Variants in PPP1CB observed in about 807,000 individuals in gnomAD.
PPP1CB encodes the protein serine/threonine-protein phosphatase PP1-beta catalytic subunit.
Under a neutral mutation model 43.7 loss-of-function variants are expected in PPP1CB, and 2 were observed. That is an observed-to-expected ratio of 0.05 (90% CI 0.02 to 0.14). The LOEUF (loss-of-function observed/expected upper bound fraction) is 0.14, where lower values mean the gene tolerates loss of function less well. Among genes scored for constraint, PPP1CB ranks in the 10% least tolerant of loss-of-function variants. The pLI is 1.00. For missense variants in PPP1CB, 84 were observed against 398.0 expected (o/e 0.21, Z 6.71); for synonymous variants, 136 against 135.6 (o/e 1.00, Z -0.02).
At position 28,801,159 on chromosome 2, in the gene PPP1CB, G is replaced by A. The variant is rs1039046430; in HGVS notation, c.*1856G>A. ...TCTTTTCTGAAAGTATTCATGATCT[G>A]CATATGATGTATTAGGTTAGGTCAC... On this transcript the variant is annotated 3_prime_UTR_variant, in exon 8 of 8. Coordinates refer to ENST00000395366, the MANE Select transcript of PPP1CB (RefSeq NM_002709.3). The A allele has an allele frequency of 1.3e-5, 2 of 151,982 alleles. No individual in the cohort carries two copies. Among genetic ancestry groups the A allele is most frequent in the African/African-American group, 4.8e-5 (2 of 41,368 alleles). The allele number at this position is 151,982 out of a possible 1,614,324, so 9.4% of individuals were successfully genotyped here.
rs1209340290 is a variant in PPP1CB, at chr2:28,751,864, C to G, written c.-261C>G. 3 of 548,352 alleles carry G rather than the reference C, an allele frequency of 5.5e-6. No individual in the cohort carries two copies. Among genetic ancestry groups the G allele is most frequent in the Non-Finnish European group, 9.9e-6 (3 of 302,808 alleles). The allele number at this position is 548,352 out of a possible 1,614,324, so 34.0% of individuals were successfully genotyped here. On this transcript the variant is annotated 5_prime_UTR_variant, in exon 1 of 8. Coordinates refer to ENST00000395366, the MANE Select transcript of PPP1CB (RefSeq NM_002709.3). ...GGCGGTGCCGAGGAGGAGGAGGTGG[C>G]GGCCTGGGTCTGACGCGGCCCTGTT...
Position 28,800,273 on chromosome 2 carries a change from C to T in PPP1CB, c.*970C>T, listed in dbSNP as rs1178458913. 1 of 111,902 alleles carries T rather than the reference C, an allele frequency of 8.9e-6. No homozygotes were observed. Among genetic ancestry groups the T allele is most frequent in the Non-Finnish European group, 1.7e-5 (1 of 57,864 alleles). 6.9% of individuals were successfully genotyped at this position (111,902 alleles called of 1,614,324 possible). A position where few individuals can be genotyped will look rare whatever the true frequency, so the allele number is the denominator to read the frequency against. Reference sequence around the variant, plus strand: ...TTGAGTTGTTGTTTGTTTTTAGATCCACAGTACATGAGAATCCTTTTTTGA... The same window carrying T: ...TTGAGTTGTTGTTTGTTTTTAGATCTACAGTACATGAGAATCCTTTTTTGA... On this transcript the variant is annotated 3_prime_UTR_variant, in exon 8 of 8. Coordinates refer to ENST00000395366, the MANE Select transcript of PPP1CB (RefSeq NM_002709.3).
intron 5 of PPP1CB, among the ~76,000 whole-genome samples, chr2:28,788,424 G>A (rs943311853): frequency 1.1e-4 from 16 of 152,136 alleles, no homozygotes; most frequent in South Asian, 6.2e-4. Flanking sequence ...TCCTATATGT[G>A]GAAAGGGTTG....
chr2:28,763,702 CGTT>C (rs1666713278), intron 1 of PPP1CB, among the ~76,000 whole-genome samples: 1 of 151,606 alleles, frequency 6.6e-6, no homozygotes, highest in Non-Finnish European at 1.5e-5. Flanking sequence ...TCTGAATCCA[CGTT>C]AGTTATTCTT....
At chr2:28,784,930 A>AG (rs1389742321) in intron 5 of PPP1CB, among the ~76,000 whole-genome samples, 5 of 119,212 alleles carry the variant, frequency 4.2e-5, no homozygotes, top group Non-Finnish European at 5.5e-5. Context: ...AAAAAAAAAA[A>AG]AAAAGAAAAA....
intron 1 of PPP1CB, among the ~76,000 whole-genome samples, chr2:28,758,875 A>G (rs1160708587): frequency 6.6e-6 from 1 of 152,258 alleles, no homozygotes; most frequent in Non-Finnish European, 1.5e-5. Flanking sequence ...TTTTTGATGC[A>G]TGCCCACCCT....
chr2:28,776,337 A>C (rs1667043129), intron 1 of PPP1CB, among the ~76,000 whole-genome samples: 1 of 151,706 alleles, frequency 6.6e-6, no homozygotes, highest in South Asian at 2.1e-4. Flanking sequence ...ATCTCAGCTC[A>C]CTGCAACCTC....
chr2:28,757,700 G>A (rs1035006648), intron 1 of PPP1CB, among the ~76,000 whole-genome samples: 14 of 152,222 alleles, frequency 9.2e-5, no homozygotes, highest in African/African-American at 3.4e-4. Flanking sequence ...ACATAAGGTC[G>A]TGGCATATTT....
intron 1 of PPP1CB, among the ~76,000 whole-genome samples, chr2:28,759,800 G>A (rs13423959): frequency 4.0e-5 from 6 of 151,872 alleles, no homozygotes; most frequent in Admixed American, 1.3e-4. Context: ...TGTATTTTTA[G>A]TAGAGACGGG....
intron 2 of PPP1CB, among the ~76,000 whole-genome samples, chr2:28,777,499 C>T (rs1342382391): frequency 6.6e-6 from 1 of 152,172 alleles, no homozygotes; most frequent in Non-Finnish European, 1.5e-5. Flanking sequence ...TATCTGTGGT[C>T]TTCTAACTTT....
chr2:28,793,592 G>A (rs1263669392), intron 6 of PPP1CB, among the ~76,000 whole-genome samples: 2 of 152,164 alleles, frequency 1.3e-5, no homozygotes, highest in African/African-American at 4.8e-5. Flanking sequence ...TTTGTTTCAT[G>A]GGGAGCCTTG....
At position 28,752,070 on chromosome 2, in the gene PPP1CB, C is replaced by G; in HGVS notation, c.-55C>G. On this transcript the variant is annotated 5_prime_UTR_variant, in exon 1 of 8. Transcript: ENST00000395366. ...AACGCCGAGCCGTCGCCGCAGCCTCCGCCGCCGAGAAGCCCTTGTTCCCGC... is the reference window on the plus strand; with the variant it reads ...AACGCCGAGCCGTCGCCGCAGCCTCGGCCGCCGAGAAGCCCTTGTTCCCGC... 6.5e-7 allele frequency: 1 copy of G among 1,527,974 alleles called. No homozygotes were observed. Among genetic ancestry groups the G allele is most frequent in the Non-Finnish European group, 8.9e-7 (1 of 1,126,372 alleles). The allele number at this position is 1,527,974 out of a possible 1,614,324, so 94.7% of individuals were successfully genotyped here. A position where few individuals can be genotyped will look rare whatever the true frequency, so the allele number is the denominator to read the frequency against.
intron 5 of PPP1CB, among the ~76,000 whole-genome samples, chr2:28,784,886 C>T (rs1667227091): frequency 7.1e-6 from 1 of 140,410 alleles, no homozygotes; most frequent in Non-Finnish European, 1.5e-5. Flanking sequence ...CACCACTGCA[C>T]TCCAGCCTGG....
At chr2:28,797,373 T>C (rs1667518483) in intron 7 of PPP1CB, among the ~76,000 whole-genome samples, 1 of 152,138 alleles carries the variant, frequency 6.6e-6, no homozygotes, top group African/African-American at 2.4e-5. Flanking sequence ...CTGATATAAT[T>C]CAGCTGTGAA....
At chr2:28,765,638 TG>T (rs149881468) in intron 1 of PPP1CB, among the ~76,000 whole-genome samples, 104 of 152,356 alleles carry the variant, frequency 6.8e-4, no homozygotes, top group African/African-American at 2.4e-3. Flanking sequence ...GTTTGCTGAC[TG>T]GGTATGGTGG....
rs544868619 is a variant in PPP1CB, at chr2:28,773,231, G to T, written c.53-3620G>T. 5.3e-5 allele frequency among the ~76,000 whole-genome samples: 8 copies of T among 152,294 alleles called. No homozygotes were observed. In the South Asian group the frequency reaches 1.5e-3, roughly 28 times the overall value. Reference sequence around the variant, plus strand: ...TTTCTAAACAGTAGTAAGTATGGTAGATATTTGCTATCATGGGATTTTATC... The same window carrying T: ...TTTCTAAACAGTAGTAAGTATGGTATATATTTGCTATCATGGGATTTTATC... On this transcript the variant is annotated intron_variant, in intron 1 of 7. Coordinates refer to ENST00000395366, the MANE Select transcript of PPP1CB (RefSeq NM_002709.3).
intron 1 of PPP1CB, among the ~76,000 whole-genome samples, chr2:28,774,989 A>G (rs560737636): frequency 2.8e-4 from 42 of 151,616 alleles, no homozygotes; most frequent in African/African-American, 7.0e-4. Flanking sequence ...CCTCCTTTTT[A>G]CTTTTATATT....
intron 1 of PPP1CB, among the ~76,000 whole-genome samples, chr2:28,772,286 G>A (rs181174869): frequency 8.1e-4 from 124 of 152,230 alleles, no homozygotes; most frequent in South Asian, 2.7e-3. Flanking sequence ...GGGTGACGGA[G>A]CGAGACTCCA....
intron 1 of PPP1CB, among the ~76,000 whole-genome samples, chr2:28,767,550 G>A (rs938464295): frequency 6.6e-5 from 10 of 152,162 alleles, no homozygotes; most frequent in African/African-American, 2.4e-4. Context: ...TGACACCCAT[G>A]ACGCTGCCAG....
Sources: allele counts gnomAD v4.1 joint callset (sites outside exome capture counted in the v4.1 genomes callset), GRCh38; gene constraint gnomAD v4.1.1; transcripts MANE v1.5; gene names NCBI Gene and HGNC (gene_info 2026-07-23, HGNC 2026-07-21).